Variants in MGLL observed in about 807,000 individuals in gnomAD.
MGLL encodes the protein monoglyceride lipase, also known as lysophospholipase homolog.
Under a neutral mutation model 29.1 loss-of-function variants are expected in MGLL, and 7 were observed. The ratio of observed to expected loss-of-function variants is 0.24; its 90% confidence interval spans 0.14 to 0.45. The LOEUF (loss-of-function observed/expected upper bound fraction) is 0.45. Among genes scored for constraint, MGLL ranks in the 20% least tolerant of loss-of-function variants. The pLI is 0.99. For missense variants in MGLL, 356 were observed against 413.6 expected (o/e 0.86, Z 1.21); for synonymous variants, 148 against 168.3 (o/e 0.88, Z 0.93).
chr3:127,731,038 T>C (rs1204307035), intron 3 of MGLL, among the ~76,000 whole-genome samples: 1 of 152,210 alleles, frequency 6.6e-6, no homozygotes, highest in Non-Finnish European at 1.5e-5. Flanking sequence ...AGTGTTTCCA[T>C]AATGGCCACT....
At chr3:127,752,191 G>A (rs1388003983) in intron 3 of MGLL, among the ~76,000 whole-genome samples, 1 of 152,010 alleles carries the variant, frequency 6.6e-6, no homozygotes, top group Admixed American at 6.5e-5. Context: ...CTGCCTCCTG[G>A]GTTCAAGAAA....
At chr3:127,728,505 C>T (rs1248899483) in intron 3 of MGLL, among the ~76,000 whole-genome samples, 2 of 152,306 alleles carry the variant, frequency 1.3e-5, no homozygotes, top group South Asian at 2.1e-4. Context: ...CTTTTCCTCA[C>T]GTTTAACATA....
chr3:127,750,797 C>T (rs757586792), intron 3 of MGLL, among the ~76,000 whole-genome samples: 1 of 152,224 alleles, frequency 6.6e-6, no homozygotes, highest in African/African-American at 2.4e-5. Flanking sequence ...TTCCCTACCC[C>T]CAAACTGCAA....
intron 3 of MGLL, among the ~76,000 whole-genome samples, chr3:127,724,289 T>C (rs946952311): frequency 5.3e-5 from 8 of 152,218 alleles, no homozygotes; most frequent in Admixed American, 2.0e-4. Context: ...CTCTAGGGAC[T>C]TCATTTGAGT....
chr3:127,734,329 G>A (rs528374660), intron 3 of MGLL, among the ~76,000 whole-genome samples: 84 of 152,310 alleles, frequency 5.5e-4, no homozygotes, highest in African/African-American at 1.6e-3. Context: ...GTAAGGAGGC[G>A]TTGCCATGAG....
intron 6 of MGLL, among the ~76,000 whole-genome samples, chr3:127,704,465 A>T (rs933843217): frequency 4.6e-5 from 7 of 152,224 alleles, no homozygotes; most frequent in African/African-American, 1.7e-4. Flanking sequence ...GACAACCTAC[A>T]GAATAGGAGA....
intron 2 of MGLL, among the ~76,000 whole-genome samples, chr3:127,811,258 G>A (rs1255630799): frequency 7.4e-6 from 1 of 135,988 alleles, no homozygotes; most frequent in Non-Finnish European, 1.5e-5. Context: ...CTTATTTTGT[G>A]CCAGGTATGA....
At chr3:127,771,774 G>C (rs1405700820) in intron 3 of MGLL, among the ~76,000 whole-genome samples, 1 of 152,154 alleles carries the variant, frequency 6.6e-6, no homozygotes, top group African/African-American at 2.4e-5. Context: ...AACTCAAGGG[G>C]CATTTGAAAA....
At chr3:127,821,071 A>G (rs981176921) in intron 2 of MGLL, among the ~76,000 whole-genome samples, 2 of 152,212 alleles carry the variant, frequency 1.3e-5, no homozygotes, top group Non-Finnish European at 2.9e-5. Context: ...TCCAAATAAC[A>G]CAAACAAGCA....
intron 2 of MGLL, among the ~76,000 whole-genome samples, chr3:127,785,432 G>A (rs1469137454): frequency 6.6e-6 from 1 of 152,264 alleles, no homozygotes; most frequent in Non-Finnish European, 1.5e-5. Context: ...TGGGCACTGT[G>A]TGGAAGCTTC....
intron 2 of MGLL, among the ~76,000 whole-genome samples, chr3:127,787,192 A>G (rs1196901831): frequency 6.6e-6 from 1 of 152,240 alleles, no homozygotes; most frequent in African/African-American, 2.4e-5. Flanking sequence ...CCCCTGGGCA[A>G]GACGCCTGCA....
intron 3 of MGLL, among the ~76,000 whole-genome samples, chr3:127,771,636 G>A (rs2076950398): frequency 1.3e-5 from 2 of 152,182 alleles, no homozygotes; most frequent in South Asian, 4.1e-4. Flanking sequence ...GATTACAGGT[G>A]TGAGCCACCA....
At chr3:127,706,546 G>A (rs9821639) in intron 6 of MGLL, among the ~76,000 whole-genome samples, 275 of 152,324 alleles carry the variant, frequency 1.8e-3, no homozygotes, top group African/African-American at 6.1e-3. Context: ...GGTGCAGGGC[G>A]CAAAAGCAAC....
At chr3:127,779,872 A>C (rs962730994) in intron 3 of MGLL, among the ~76,000 whole-genome samples, 1 of 152,200 alleles carries the variant, frequency 6.6e-6, no homozygotes, top group Non-Finnish European at 1.5e-5. Flanking sequence ...AAGATCCCCA[A>C]AATGGCAGCC....
intron 3 of MGLL, among the ~76,000 whole-genome samples, chr3:127,762,680 C>A (rs1434482865): frequency 1.3e-5 from 2 of 152,178 alleles, no homozygotes; most frequent in African/African-American, 4.8e-5. Flanking sequence ...AGGTTCCTTG[C>A]AGCCCACTGC....
intron 3 of MGLL, among the ~76,000 whole-genome samples, chr3:127,764,467 C>G (rs973900514): frequency 6.6e-6 from 1 of 152,096 alleles, no homozygotes. Context: ...CGGAAAGCCC[C>G]CAGGAGAGGC....
In MGLL at chr3:127,782,218, T is replaced by A. The variant is rs144669700; in HGVS notation, c.156-323A>T. ...GCCTGGGTGACAGAGCGAGACTCTG[T>A]CTCCAAAAAAATAGAAAAGAAAAGA... On this transcript the variant is annotated intron_variant, in intron 2 of 7. Coordinates refer to ENST00000265052, the MANE Select transcript of MGLL (RefSeq NM_007283.7). Among the ~76,000 whole-genome samples the A allele has an allele frequency of 3.6e-4, 55 of 151,928 alleles. 1 individual carries two copies. The East Asian group carries it at 9.1e-3, about 25-fold the overall frequency.
chr3:127,745,579 T>A (rs1013280157), intron 3 of MGLL, among the ~76,000 whole-genome samples: 1 of 152,126 alleles, frequency 6.6e-6, no homozygotes, highest in Non-Finnish European at 1.5e-5. Context: ...AGATGACTTA[T>A]GGGTACAATG....
chr3:127,732,941 T>G (rs994087669), intron 3 of MGLL, among the ~76,000 whole-genome samples: 13 of 151,490 alleles, frequency 8.6e-5, no homozygotes, highest in African/African-American at 3.2e-4. Flanking sequence ...GAGCGGTGGG[T>G]GGAAGGAGGG....
Sources: gnomAD v4.1 joint callset for allele counts (sites outside exome capture counted in the v4.1 genomes callset) on GRCh38, gnomAD v4.1.1 for gene constraint, MANE v1.5 for transcripts, NCBI Gene and HGNC (gene_info 2026-07-23, HGNC 2026-07-21) for gene names.